MYH11: variants seen among roughly 807,000 people sequenced by gnomAD.
MYH11 encodes the protein myosin-11.
MYH11 carries 80 observed loss-of-function variants against 246.6 expected under a neutral mutation model. That is an observed-to-expected ratio of 0.32 (90% CI 0.27 to 0.39). MYH11 has a LOEUF of 0.39. Among genes scored for constraint, MYH11 ranks in the 10% least tolerant of loss-of-function variants. The pLI is 1.00. For missense variants in MYH11, 2,158 were observed against 2,546.8 expected (o/e 0.85, Z 3.29); for synonymous variants, 1,071 against 1,015.5 (o/e 1.05, Z -1.04).
rs2040717924 is a variant in MYH11 at position 15,725,653 on chromosome 16, C to T, written c.3859-661G>A. ...TTATATGAGGGCGGCAAAAGCCCTG[C>T]TCTCAACTGCATGTGAGAAAAAAAC... On this transcript the variant is annotated intron_variant, in intron 28 of 40. Coordinates refer to ENST00000300036, the MANE Select transcript of MYH11 (RefSeq NM_002474.3). 7.5e-6 allele frequency: 3 copies of T among 399,838 alleles called. No homozygotes were observed. In the East Asian group the frequency reaches 1.1e-4, roughly 14 times the overall value. The allele number at this position is 399,838 out of a possible 1,614,324, so 24.8% of individuals were successfully genotyped here.
chr16:15,799,802 G>C (rs867521903), intron 3 of MYH11, among the ~76,000 whole-genome samples: 1 of 152,206 alleles, frequency 6.6e-6, no homozygotes, highest in Non-Finnish European at 1.5e-5. Context: ...TCAGTGCTCA[G>C]CTCTCACAAG....
chr16:15,759,363 C>A (rs2041813115), intron 12 of MYH11, among the ~76,000 whole-genome samples: 1 of 152,068 alleles, frequency 6.6e-6, no homozygotes, highest in East Asian at 1.9e-4. Context: ...CCTACGGGAT[C>A]CAGCTACATG....
chr16:15,811,563 G>T (rs2043137663), intron 3 of MYH11, among the ~76,000 whole-genome samples: 1 of 152,022 alleles, frequency 6.6e-6, no homozygotes, highest in Non-Finnish European at 1.5e-5. Context: ...GTGAACCCAG[G>T]TCCTGACCTA....
chr16:15,762,364 A>C (rs571234652), intron 10 of MYH11, among the ~76,000 whole-genome samples: 2 of 152,296 alleles, frequency 1.3e-5, no homozygotes, highest in South Asian at 4.2e-4. Context: ...AGGAATAACA[A>C]ATTAGCCCAA....
At chr16:15,713,820 T>C (rs10521101) in intron 40 of MYH11, 42,322 of 152,340 alleles carry the variant, frequency 0.28, 6,572 homozygotes, top group East Asian at 0.48. Context: ...TTTCACCAAA[T>C]GATTGCAGCA....
At chr16:15,760,440 A>T in intron 11 of MYH11, 100 bp downstream of exon 11, 1 of 942,144 alleles carries the variant, frequency 1.1e-6, no homozygotes, top group Non-Finnish European at 1.8e-6. Flanking sequence ...ACCATGGGTG[A>T]ATGGATTAAT....
intron 40 of MYH11, among the ~76,000 whole-genome samples, chr16:15,704,946 T>G (rs1283065994): frequency 6.6e-6 from 1 of 152,184 alleles, no homozygotes; most frequent in African/African-American, 2.4e-5. Context: ...CCCAAAGCGC[T>G]GGCATTACAG....
intron 7 of MYH11, among the ~76,000 whole-genome samples, chr16:15,776,657 C>A (rs973946385): frequency 2.0e-5 from 3 of 152,182 alleles, no homozygotes; most frequent in Non-Finnish European, 2.9e-5. Flanking sequence ...GAAACTGAGG[C>A]TCAGAGAAGA....
At chr16:15,788,094 T>TA (rs2042518558) in intron 4 of MYH11, among the ~76,000 whole-genome samples, 1 of 142,498 alleles carries the variant, frequency 7.0e-6, no homozygotes, top group Non-Finnish European at 1.5e-5. Flanking sequence ...TTTTTTTTTT[T>TA]TACCAAGATG....
intron 3 of MYH11, among the ~76,000 whole-genome samples, chr16:15,810,156 C>A (rs928660631): frequency 2.2e-4 from 34 of 151,836 alleles, no homozygotes; most frequent in African/African-American, 7.5e-4. Flanking sequence ...GCCTCAGCCT[C>A]CCGAGTAGCT....
rs1425973761 is a variant in MYH11, at chr16:15,771,594, C to T, written c.1008G>A (p.Met336Ile). The change falls in exon 9 of 41, where the codon ATG becomes ATA. Residue 336 changes from methionine to isoleucine, a missense_variant. Physicochemically the swap from Met to Ile is conservative, Grantham distance 10. Coordinates refer to ENST00000300036, the MANE Select transcript of MYH11 (RefSeq NM_002474.3). ...ATAGCTGCTCCTCCTCGCTGAAACC[C>T]ATGATTGCCATGGCCTCCACGGTTT... ...FQETVEAMAI[M>I]GFSEEEQLSI... is the part of the protein sequence containing the mutation. 6.2e-7 allele frequency: 1 copy of T among 1,613,908 alleles called. No homozygotes were observed. The highest frequency in any genetic ancestry group is 1.3e-5 in the African/African-American group (1 of 74,862).
At chr16:15,844,435 T>C (rs2044136423) in intron 1 of MYH11, among the ~76,000 whole-genome samples, 1 of 152,144 alleles carries the variant, frequency 6.6e-6, no homozygotes, top group Admixed American at 6.5e-5. Flanking sequence ...TGACCTCAGG[T>C]GATCTACCGG....
chr16:15,804,872 T>C (rs2042973318), intron 3 of MYH11, among the ~76,000 whole-genome samples: 1 of 152,248 alleles, frequency 6.6e-6, no homozygotes, highest in Non-Finnish European at 1.5e-5. Context: ...TATCACATTG[T>C]ACGGATGGAT....
chr16:15,755,546 C>T (rs1220852622), intron 14 of MYH11, among the ~76,000 whole-genome samples: 2 of 152,130 alleles, frequency 1.3e-5, no homozygotes, highest in African/African-American at 4.8e-5. Flanking sequence ...CCCAGCACTT[C>T]AGGAAGCCGA....
intron 20 of MYH11, among the ~76,000 whole-genome samples, chr16:15,743,791 C>G (rs2041342477): frequency 6.6e-6 from 1 of 152,190 alleles, no homozygotes; most frequent in Non-Finnish European, 1.5e-5. Flanking sequence ...TGGGATACAG[C>G]AGGCACTCAA....
chr16:15,752,716 T>C (rs1434105879), intron 15 of MYH11, among the ~76,000 whole-genome samples: 2 of 152,268 alleles, frequency 1.3e-5, no homozygotes, highest in East Asian at 3.9e-4. Context: ...CCGTCTCTAC[T>C]AAAAATACAA....
In MYH11 at chr16:15,720,843, C is replaced by G; in HGVS notation, c.4787G>C (p.Arg1596Thr). The change falls in exon 33 of 41, where the codon AGA (arginine) becomes ACA (threonine). Residue 1596 changes from arginine to threonine, a missense_variant. This residue lies in a region of MYH11 where 1,013 missense variants were observed against 993.5 expected (regional missense o/e 1.02). Transcript: ENST00000300036. Reference sequence around the variant, plus strand: ...GGCCTCCCCGGCAGCACGCACCTGTCTCTGCAGTTGCCTCCTCTTCTCCTC... The same window carrying G: ...GGCCTCCCCGGCAGCACGCACCTGTGTCTGCAGTTGCCTCCTCTTCTCCTC... The part of the protein sequence containing the change: ...QNEEKRRQLQ[R>T]QLHEYETELE... The G allele has an allele frequency of 6.2e-7, 1 of 1,613,584 alleles. No homozygotes were observed. The highest frequency in any genetic ancestry group is 1.1e-5 in the South Asian group (1 of 91,064).
intron 3 of MYH11, among the ~76,000 whole-genome samples, chr16:15,802,174 A>G (rs551959761): frequency 6.6e-6 from 1 of 152,264 alleles, no homozygotes; most frequent in African/African-American, 2.4e-5. Context: ...AAAGCTAAAA[A>G]AAGACAGAAA....
intron 4 of MYH11, among the ~76,000 whole-genome samples, chr16:15,797,173 A>G (rs1293010420): frequency 6.6e-6 from 1 of 152,014 alleles, no homozygotes; most frequent in Non-Finnish European, 1.5e-5. Flanking sequence ...CAGGTTTTCT[A>G]TCTATATCAA....
Sources: allele counts gnomAD v4.1 joint callset (sites outside exome capture counted in the v4.1 genomes callset), GRCh38; gene constraint gnomAD v4.1.1; regional missense constraint gnomAD v4.1.1; transcripts MANE v1.5; gene names NCBI Gene and HGNC (gene_info 2026-07-23, HGNC 2026-07-21).